Variants in ARG2 observed in about 807,000 individuals in gnomAD.
ARG2 encodes arginase-2, mitochondrial.
A neutral mutation model predicts 39.4 loss-of-function variants in ARG2; 21 were observed. The ratio of observed to expected loss-of-function variants is 0.53; its 90% CI spans 0.38 to 0.77. ARG2 has a LOEUF of 0.77. Among genes scored for constraint, ARG2 ranks in the 30% least tolerant of loss-of-function variants. ARG2 has a pLI of 0.00. For synonymous variants in ARG2, 150 were observed against 156.7 expected (o/e 0.96, Z 0.32); for missense variants, 378 against 426.2 (o/e 0.89, Z 1.00).
Position 67,651,694 on chromosome 14 carries a change from AC to A in ARG2, c.*776del. The A allele has an allele frequency of 2.4e-6, 1 of 408,428 alleles. No individual in the cohort carries two copies. Among genetic ancestry groups the A allele is most frequent in the Non-Finnish European group, 4.3e-6 (1 of 233,034 alleles). 25.3% of individuals were successfully genotyped at this position (408,428 alleles called of 1,614,324 possible). Reference sequence around the variant, plus strand: ...GAAATGTTAAACTGAGACAATAAAAACCAAAGCATAAAAATGGATTCTGAAA... The same window carrying A: ...GAAATGTTAAACTGAGACAATAAAAACAAAGCATAAAAATGGATTCTGAAA... On this transcript the variant is annotated 3_prime_UTR_variant, in exon 8 of 8. Transcript: ENST00000261783.
chr14:67,647,507 G>A (rs1246036020), intron 6 of ARG2: 2 of 156,708 alleles, frequency 1.3e-5, no homozygotes. Context: ...AAGCTGTTAA[G>A]AAACTTAGTT....
intron 3 of ARG2, among the ~76,000 whole-genome samples, chr14:67,643,068 G>T (rs1289842633): frequency 6.6e-6 from 1 of 152,118 alleles, no homozygotes; most frequent in Non-Finnish European, 1.5e-5. Context: ...CTCCCAAAGT[G>T]CTGGGATTAC....
chr14:67,634,733 G>C (rs994061906), intron 2 of ARG2, among the ~76,000 whole-genome samples: 2 of 152,194 alleles, frequency 1.3e-5, no homozygotes, highest in African/African-American at 4.8e-5. Context: ...ACTTTAGACA[G>C]ATGGTGCATT....
rs749077701 is a variant in ARG2, at chr14:67,648,092, C to T, written c.768C>T (p.Asp256=). The change falls in exon 7 of 8, where the codon GAC becomes GAT. Residue 256 remains aspartate (D), a synonymous_variant. Transcript: ENST00000261783. ...TGAGTTTTGATATTGATGCATTTGA[C>T]CCTACACTGGCTCCAGCCACAGGAA... ...IHLSFDIDAF[D]PTLAPATGTP... is the part of the protein sequence containing the mutation. The T allele has an allele frequency of 2.4e-5, 39 of 1,613,836 alleles. No individual in the cohort carries two copies. The East Asian group carries it at 8.7e-4, about 36-fold the overall frequency.
rs1424733399 is a variant in ARG2 at position 67,647,026 on chromosome 14, G to GT, written c.722+2dup. On this transcript the variant is annotated splice_donor_variant, in intron 6 of 7. Coordinates refer to ENST00000261783, the MANE Select transcript of ARG2 (RefSeq NM_001172.4). LOFTEE classifies it high-confidence loss of function. The stretch of plus-strand genomic sequence containing the variant: ...GAACATTTGATCTGCTGATTGGCAA[G>GT]TAAGTAACTATAACTGATGTCAGGG... The GT allele has an allele frequency of 1.3e-6, 2 of 1,596,764 alleles. No homozygotes were observed. The highest frequency in any genetic ancestry group is 2.7e-5 in the African/African-American group (2 of 74,500).
In ARG2 at chr14:67,645,661, T is replaced by C; in HGVS notation, c.381T>C (p.Ile127=). The C allele has an allele frequency of 6.2e-7, 1 of 1,613,790 alleles. No homozygotes were observed. Among genetic ancestry groups the C allele is most frequent in the Non-Finnish European group, 8.5e-7 (1 of 1,179,868 alleles). The part of the protein sequence containing the change: ...GGDHSLAIGT[I]SGHARHCPDL... ...TTTGCAGCCTGGCAATCGGTACCAT[T>C]AGTGGCCATGCCCGACACTGCCCAG... The change falls in exon 4 of 8, where the codon ATT becomes ATC. Residue 127 remains isoleucine (I), a synonymous_variant. Transcript: ENST00000261783.
intron 2 of ARG2, among the ~76,000 whole-genome samples, chr14:67,641,624 G>C (rs1190017559): frequency 6.6e-6 from 1 of 152,248 alleles, no homozygotes; most frequent in East Asian, 1.9e-4. Context: ...TTTCAGATTG[G>C]CTATTTATAA....
intron 2 of ARG2, among the ~76,000 whole-genome samples, chr14:67,640,637 T>A (rs2037020177): frequency 6.6e-6 from 1 of 152,214 alleles, no homozygotes; most frequent in South Asian, 2.1e-4. Context: ...CCACGTCTTA[T>A]CTTGTTACTG....
intron 2 of ARG2, among the ~76,000 whole-genome samples, chr14:67,639,092 G>C (rs2037003213): frequency 6.6e-6 from 1 of 152,210 alleles, no homozygotes. Flanking sequence ...GCCTGAATTA[G>C]CGACTGAAAT....
At chr14:67,642,451 G>T in intron 3 of ARG2, 88 bp downstream of exon 3, 1 of 1,430,904 alleles carries the variant, frequency 7.0e-7, no homozygotes, top group East Asian at 2.4e-5. Context: ...TCTTCATCTG[G>T]AGAAAAATAC....
chr14:67,644,395 A>T (rs980331169), intron 3 of ARG2, among the ~76,000 whole-genome samples: 1 of 152,234 alleles, frequency 6.6e-6, no homozygotes, highest in African/African-American at 2.4e-5. Flanking sequence ...CAGCTCTTCC[A>T]GGACTAAAAC....
chr14:67,649,950 T>TC (rs1161835481), intron 7 of ARG2: 1 of 152,262 alleles, frequency 6.6e-6, no homozygotes, highest in Non-Finnish European at 1.5e-5. Flanking sequence ...CTGGATAGGT[T>TC]CTTCTGGTTT....
At chr14:67,646,844 C>T in intron 5 of ARG2, 77 bp from the exon 6 acceptor site, 1 of 1,379,724 alleles carries the variant, frequency 7.2e-7, no homozygotes, top group Non-Finnish European at 1.0e-6. Context: ...TACAACAAAC[C>T]CACCCTCTCC....
At chr14:67,621,884 G>A (rs2036814358) in intron 2 of ARG2, among the ~76,000 whole-genome samples, 1 of 151,666 alleles carries the variant, frequency 6.6e-6, no homozygotes, top group Non-Finnish European at 1.5e-5. Context: ...ATCACCTGAG[G>A]TCAGGAGTTC....
In ARG2 at chr14:67,651,192, A is replaced by C; in HGVS notation, c.*272A>C. The C allele has an allele frequency of 9.0e-7, 1 of 1,115,416 alleles. No individual in the cohort carries two copies. Among genetic ancestry groups the C allele is most frequent in the Non-Finnish European group, 1.2e-6 (1 of 803,234 alleles). 69.1% of individuals were successfully genotyped at this position (1,115,416 alleles called of 1,614,324 possible). ...AGCATTTATTACCTTGGTATATCAT[A>C]CTGGTCTTGTTGCTGTTGTTCCTTC... On this transcript the variant is annotated 3_prime_UTR_variant, in exon 8 of 8. Transcript: ENST00000261783.
chr14:67,636,896 T>G (rs2036977499), intron 2 of ARG2, among the ~76,000 whole-genome samples: 1 of 152,334 alleles, frequency 6.6e-6, no homozygotes, highest in Admixed American at 6.5e-5. Flanking sequence ...AGAGCAGCAA[T>G]GAAACACTAG....
At chr14:67,633,498 C>G (rs1044542908) in intron 2 of ARG2, among the ~76,000 whole-genome samples, 89 of 152,348 alleles carry the variant, frequency 5.8e-4, no homozygotes, top group African/African-American at 2.0e-3. Flanking sequence ...TCAATGTCAA[C>G]ATATCCCAAA....
chr14:67,627,225 T>TA (rs991109249), intron 2 of ARG2, among the ~76,000 whole-genome samples: 1 of 144,616 alleles, frequency 6.9e-6, no homozygotes, highest in Admixed American at 7.2e-5. Flanking sequence ...TCTCAATAAT[T>TA]AAAAAACTAG....
Position 67,650,039 on chromosome 14 carries a change from G to GTAAC in ARG2, c.860-674_860-671dup, listed in dbSNP as rs1017612447. 2.0e-5 allele frequency: 3 copies of GTAAC among 152,180 alleles called. No individual in the cohort carries two copies. In the East Asian group the frequency reaches 5.8e-4, roughly 29 times the overall value. 9.4% of individuals were successfully genotyped at this position (152,180 alleles called of 1,614,324 possible). A position where few individuals can be genotyped will look rare whatever the true frequency, so the allele number is the denominator to read the frequency against. ...ACAAGTTCTCAAACCTTAACAGAAG[G>GTAAC]TAACTGAAGTCCAGATAAAATAATT... is the stretch of plus-strand genomic sequence containing the variant. On this transcript the variant is annotated intron_variant, in intron 7 of 7. Coordinates refer to ENST00000261783, the MANE Select transcript of ARG2 (RefSeq NM_001172.4).
Sources: allele counts gnomAD v4.1 joint callset (sites outside exome capture counted in the v4.1 genomes callset), GRCh38; gene constraint gnomAD v4.1.1; transcripts MANE v1.5; gene names NCBI Gene and HGNC (gene_info 2026-07-23, HGNC 2026-07-21).